The following RPS6KA2 variants were observed in gnomAD, a reference collection of about 807,000 sequenced individuals.
The protein encoded by RPS6KA2 is ribosomal protein S6 kinase A2, also known as ribosomal protein S6 kinase alpha-2.
In RPS6KA2, 42 loss-of-function variants were observed where a neutral mutation model predicts 91.8. The ratio of observed to expected loss-of-function variants is 0.46; its 90% CI spans 0.36 to 0.59. The LOEUF (loss-of-function observed/expected upper bound fraction) is 0.59, where lower values mean the gene tolerates loss of function less well. Among genes scored for constraint, RPS6KA2 ranks in the 20% least tolerant of loss-of-function variants. RPS6KA2 has a pLI of 0.00. For synonymous variants in RPS6KA2, 414 were observed against 393.6 expected (o/e 1.05, Z -0.61); for missense variants, 798 against 978.5 (o/e 0.82, Z 2.46).
intron 16 of RPS6KA2, among the ~76,000 whole-genome samples, chr6:166,425,960 C>T (rs1250862137): frequency 1.3e-5 from 2 of 151,976 alleles, no homozygotes; most frequent in Admixed American, 6.6e-5. Flanking sequence ...ACCTAATAGA[C>T]ATCTACAGAA....
chr6:166,509,550 C>T (rs1306692583), intron 4 of RPS6KA2: 2 of 156,080 alleles, frequency 1.3e-5, no homozygotes, highest in African/African-American at 2.4e-5. Flanking sequence ...CCCGACACAC[C>T]ACCTTGCCCT....
Position 166,639,708 on chromosome 6 carries a change from C to G in RPS6KA2, c.124-100924G>C, listed in dbSNP as rs1787368798. On this transcript the variant is annotated intron_variant, in intron 2 of 21. Coordinates refer to the RPS6KA2 transcript ENST00000503859. The surrounding 1 kb of genome is among the most constrained non-coding windows in gnomAD (Gnocchi z 4.2). ...CATTCACGCAGTGGCCACGGCTGTC[C>G]TTCCTGCCCGCTCTGCCTCTGCCCA... is the stretch of plus-strand genomic sequence containing the variant. 1.3e-5 allele frequency among the ~76,000 whole-genome samples: 2 copies of G among 152,184 alleles called. No individual in the cohort carries two copies. The highest frequency in any genetic ancestry group is 4.8e-5 in the African/African-American group (2 of 41,452).
At chr6:166,690,250 G>C (rs911898482) in intron 2 of RPS6KA2, among the ~76,000 whole-genome samples, 3 of 152,198 alleles carry the variant, frequency 2.0e-5, no homozygotes, top group Non-Finnish European at 2.9e-5. Flanking sequence ...TGCTCTGGGA[G>C]GGGAGTGTCA....
At chr6:166,775,152 T>C (rs539543510) in intron 2 of RPS6KA2, among the ~76,000 whole-genome samples, 1 of 152,282 alleles carries the variant, frequency 6.6e-6, no homozygotes, top group Non-Finnish European at 1.5e-5. Flanking sequence ...TAAAACGGTT[T>C]TACCCAGACT....
chr6:166,695,150 G>T (rs932291274), intron 2 of RPS6KA2, among the ~76,000 whole-genome samples: 1 of 152,196 alleles, frequency 6.6e-6, no homozygotes, highest in South Asian at 2.1e-4. Context: ...GTTGCTATGC[G>T]AATGGACTCA....
At chr6:166,729,968 A>G (rs1328265247) in intron 2 of RPS6KA2, among the ~76,000 whole-genome samples, 1 of 152,140 alleles carries the variant, frequency 6.6e-6, no homozygotes, top group African/African-American at 2.4e-5. Flanking sequence ...GTTTTTCTCC[A>G]CCTTTTTTCG....
chr6:166,454,200 G>A (rs1023351044), intron 12 of RPS6KA2, among the ~76,000 whole-genome samples: 1 of 152,118 alleles, frequency 6.6e-6, no homozygotes, highest in Non-Finnish European at 1.5e-5. Flanking sequence ...GAAATTTACA[G>A]AAATAAAAAA....
At chr6:166,565,814 A>G (rs1784483098) in intron 1 of RPS6KA2, among the ~76,000 whole-genome samples, 1 of 152,184 alleles carries the variant, frequency 6.6e-6, no homozygotes. Flanking sequence ...CCGAGCTATC[A>G]GCTAGCACTC....
Position 166,635,103 on chromosome 6 carries a change from T to G in RPS6KA2, c.124-96319A>C, listed in dbSNP as rs1787193047. 6.6e-6 allele frequency among the ~76,000 whole-genome samples: 1 copy of G among 152,256 alleles called. No individual in the cohort carries two copies. Among genetic ancestry groups the G allele is most frequent in the South Asian group, 2.1e-4 (1 of 4,832 alleles). On this transcript the variant is annotated intron_variant, in intron 2 of 21. Coordinates refer to the RPS6KA2 transcript ENST00000503859. The surrounding 1 kb of genome is among the most constrained non-coding windows in gnomAD (Gnocchi z 4.8). The stretch of plus-strand genomic sequence containing the variant: ...GAGAGCCAACGGTAGTACGTGAAAG[T>G]GACCGTGTGGGGCATACTTGGTTGT...
rs760333687 is a variant in RPS6KA2, at chr6:166,563,365, G to A, written c.100-24581C>T. 2.0e-5 allele frequency among the ~76,000 whole-genome samples: 3 copies of A among 152,184 alleles called. No individual in the cohort carries two copies. In the East Asian group the frequency reaches 5.8e-4, roughly 29 times the overall value. ...TCTTTTCCGCAGCTCACCTGTTCCC[G>A]GCTTTTCCTCCCAGTCTCCTGGGCT... On this transcript the variant is annotated intron_variant, in intron 1 of 20. Transcript: ENST00000265678. The surrounding 1 kb of genome is among the most constrained non-coding windows in gnomAD (Gnocchi z 4.1).
At chr6:166,622,914 G>A (rs1243579072) in intron 1 of RPS6KA2, among the ~76,000 whole-genome samples, 1 of 152,230 alleles carries the variant, frequency 6.6e-6, no homozygotes, top group Non-Finnish European at 1.5e-5. Context: ...TGAGGGCAGG[G>A]ATCCTATTTT....
At chr6:166,842,016 C>T (rs1780494039) in intron 2 of RPS6KA2, among the ~76,000 whole-genome samples, 1 of 152,114 alleles carries the variant, frequency 6.6e-6, no homozygotes, top group Admixed American at 6.5e-5. Context: ...AGTGCCCAGG[C>T]AGCAGGGAGG....
chr6:166,786,921 A>AATC (rs760993716), intron 2 of RPS6KA2, among the ~76,000 whole-genome samples: 22 of 152,202 alleles, frequency 1.4e-4, no homozygotes, highest in Non-Finnish European at 2.8e-4. Context: ...GGCCCGAGAT[A>AATC]GGTCAAATGA....
intron 17 of RPS6KA2, among the ~76,000 whole-genome samples, chr6:166,421,367 G>A (rs1385076850): frequency 2.0e-5 from 3 of 152,326 alleles, no homozygotes; most frequent in African/African-American, 7.2e-5. Flanking sequence ...CGTGAGGGGC[G>A]CTGAGCTGAA....
At chr6:166,858,221 G>A in exon 2 of RPS6KA2, 4 of 1,545,032 alleles carry the variant, frequency 2.6e-6, no homozygotes, top group Non-Finnish European at 3.6e-6. Flanking sequence ...TGTCTTCTGT[G>A]GTGGGCTCCA....
intron 3 of RPS6KA2, among the ~76,000 whole-genome samples, chr6:166,512,025 A>G (rs1158074685): frequency 6.6e-6 from 1 of 152,224 alleles, no homozygotes; most frequent in African/African-American, 2.4e-5. Flanking sequence ...TACAACAGAA[A>G]AGGAGGAAGC....
At position 166,744,584 on chromosome 6, in the gene RPS6KA2, C is replaced by A. The variant is rs541571982; in HGVS notation, c.123+113616G>T. ...CAGCAGGGCCCAGGCTGGAGAGCCGCGCACCCGTGCAGCAGGGCCCACCCT... is the reference window on the plus strand; with the variant it reads ...CAGCAGGGCCCAGGCTGGAGAGCCGAGCACCCGTGCAGCAGGGCCCACCCT... On this transcript the variant is annotated intron_variant, in intron 2 of 21. Coordinates refer to the RPS6KA2 transcript ENST00000503859. Among the ~76,000 whole-genome samples, 14 of 152,228 alleles carry A rather than the reference C, an allele frequency of 9.2e-5. No homozygotes were observed. The East Asian group carries it at 2.7e-3, about 29-fold the overall frequency.
intron 1 of RPS6KA2, among the ~76,000 whole-genome samples, chr6:166,573,916 A>T (rs1034218403): frequency 9.9e-5 from 15 of 152,134 alleles, no homozygotes; most frequent in Non-Finnish European, 1.9e-4. Context: ...AGATGCAGCA[A>T]ATCCATTTCA....
intron 1 of RPS6KA2, among the ~76,000 whole-genome samples, chr6:166,599,235 C>T (rs1322883215): frequency 6.6e-6 from 1 of 152,134 alleles, no homozygotes; most frequent in African/African-American, 2.4e-5. Context: ...AGCTTGACAA[C>T]GTCTTAGGGA....
Sources: allele counts gnomAD v4.1 joint callset (sites outside exome capture counted in the v4.1 genomes callset), GRCh38; gene constraint gnomAD v4.1.1; non-coding constraint Gnocchi (gnomAD v3.1); transcripts MANE v1.5; gene names NCBI Gene and HGNC (gene_info 2026-07-23, HGNC 2026-07-21).